Variants in NDUFAF2 observed in about 807,000 individuals in gnomAD.
NDUFAF2 encodes the protein NADH:ubiquinone oxidoreductase complex assembly factor 2.
A neutral mutation model predicts 22.8 loss-of-function variants in NDUFAF2; 13 were observed. That is an observed-to-expected ratio of 0.57 (90% CI 0.37 to 0.91). NDUFAF2 has a LOEUF of 0.91. Ranked by LOEUF, NDUFAF2 falls within the 40% of genes least tolerant of loss-of-function variation. The pLI is 0.01. For synonymous variants in NDUFAF2, 53 were observed against 64.2 expected (o/e 0.83, Z 0.84); for missense variants, 162 against 195.2 (o/e 0.83, Z 1.01).
chr5:61,020,106 T>C (rs916710237), intron 1 of NDUFAF2, among the ~76,000 whole-genome samples: 2 of 152,182 alleles, frequency 1.3e-5, no homozygotes, highest in Non-Finnish European at 2.9e-5. Context: ...TAACATTATT[T>C]ATTGCATTCT....
At chr5:61,050,964 A>G (rs1752017303) in intron 1 of NDUFAF2, among the ~76,000 whole-genome samples, 1 of 152,202 alleles carries the variant, frequency 6.6e-6, no homozygotes, top group South Asian at 2.1e-4. Context: ...TTTCATTAAA[A>G]CAATCAGACT....
At chr5:61,054,915 G>A (rs1278465802) in intron 1 of NDUFAF2, among the ~76,000 whole-genome samples, 2 of 152,146 alleles carry the variant, frequency 1.3e-5, no homozygotes, top group African/African-American at 4.8e-5. Context: ...AGTTTCCATC[G>A]CTGAGATAAA....
intron 1 of NDUFAF2, among the ~76,000 whole-genome samples, chr5:60,998,889 TA>T (rs1348643860): frequency 6.6e-6 from 1 of 152,060 alleles, no homozygotes; most frequent in African/African-American, 2.4e-5. Flanking sequence ...TTCAGAGATT[TA>T]TTTTTTTTAA....
At chr5:60,981,630 T>C (rs1750978767) in intron 1 of NDUFAF2, among the ~76,000 whole-genome samples, 1 of 152,124 alleles carries the variant, frequency 6.6e-6, no homozygotes, top group South Asian at 2.1e-4. Flanking sequence ...AAAACAATTT[T>C]TTAAGACATA....
chr5:60,975,459 A>C (rs1750890284), intron 1 of NDUFAF2, among the ~76,000 whole-genome samples: 1 of 152,152 alleles, frequency 6.6e-6, no homozygotes, highest in Admixed American at 6.6e-5. Flanking sequence ...TTGATATCTA[A>C]ACAGAGAGAT....
intron 3 of NDUFAF2, among the ~76,000 whole-genome samples, chr5:61,149,567 T>G (rs930140882): frequency 9.2e-5 from 14 of 152,238 alleles, no homozygotes; most frequent in African/African-American, 3.4e-4. Context: ...ATACTAGTGA[T>G]AAAATAACAT....
intron 1 of NDUFAF2, among the ~76,000 whole-genome samples, chr5:61,060,670 C>T (rs898047286): frequency 6.6e-6 from 1 of 152,118 alleles, no homozygotes; most frequent in African/African-American, 2.4e-5. Context: ...TCACCTCACT[C>T]AGCCCAGCCT....
At chr5:61,054,613 C>T (rs1347359782) in intron 1 of NDUFAF2, among the ~76,000 whole-genome samples, 1 of 152,182 alleles carries the variant, frequency 6.6e-6, no homozygotes, top group Non-Finnish European at 1.5e-5. Context: ...ACAAAACCCC[C>T]TTGCTACTTA....
At chr5:61,096,190 AG>A (rs1381086020) in intron 2 of NDUFAF2, among the ~76,000 whole-genome samples, 1 of 152,206 alleles carries the variant, frequency 6.6e-6, no homozygotes, top group Non-Finnish European at 1.5e-5. Context: ...CCTCTTTTAT[AG>A]CATTTAAAAG....
At chr5:61,029,672 G>A (rs1751699205) in intron 1 of NDUFAF2, among the ~76,000 whole-genome samples, 1 of 152,102 alleles carries the variant, frequency 6.6e-6, no homozygotes, top group Admixed American at 6.6e-5. Context: ...AATGCGACGT[G>A]CACCAGTGAA....
chr5:61,125,095 CT>C (rs1352177573), intron 3 of NDUFAF2, among the ~76,000 whole-genome samples: 4 of 152,180 alleles, frequency 2.6e-5, no homozygotes, highest in South Asian at 4.1e-4. Context: ...GATCCCTCCC[CT>C]GACACCTGAG....
intron 1 of NDUFAF2, among the ~76,000 whole-genome samples, chr5:61,071,847 A>G (rs1185228583): frequency 6.6e-6 from 1 of 152,224 alleles, no homozygotes; most frequent in Non-Finnish European, 1.5e-5. Flanking sequence ...AGGTTCAGTG[A>G]GAAAGAAACA....
chr5:60,998,312 A>T (rs997788017), intron 1 of NDUFAF2, among the ~76,000 whole-genome samples: 1 of 152,160 alleles, frequency 6.6e-6, no homozygotes, highest in African/African-American at 2.4e-5. Context: ...ATTATTATAG[A>T]TGATTTTAAA....
At chr5:61,049,507 A>G (rs778701592) in intron 1 of NDUFAF2, among the ~76,000 whole-genome samples, 3 of 152,138 alleles carry the variant, frequency 2.0e-5, no homozygotes, top group Non-Finnish European at 2.9e-5. Flanking sequence ...GTTCAGTGGT[A>G]TTAAATATAT....
chr5:61,053,158 A>G (rs533295526), intron 1 of NDUFAF2, among the ~76,000 whole-genome samples: 2 of 152,230 alleles, frequency 1.3e-5, no homozygotes, highest in Non-Finnish European at 2.9e-5. Context: ...CTGAGTAGCC[A>G]TCAGCCTGGA....
Position 60,979,603 on chromosome 5 carries a change from G to A in NDUFAF2, c.127+34221G>A, listed in dbSNP as rs528696998. Among the ~76,000 whole-genome samples the A allele has an allele frequency of 2.0e-5, 3 of 152,208 alleles. No individual in the cohort carries two copies. The South Asian group carries it at 6.2e-4, about 32-fold the overall frequency. ...TTGAGGAAAAGGGAGAGAAGACTGG[G>A]AAGAACTTTGTCTTGTGGCTCAGGT... On this transcript the variant is annotated intron_variant, in intron 1 of 3. Coordinates refer to ENST00000296597, the MANE Select transcript of NDUFAF2 (RefSeq NM_174889.5).
At chr5:60,946,111 A>G (rs1212108239) in intron 1 of NDUFAF2, among the ~76,000 whole-genome samples, 1 of 152,106 alleles carries the variant, frequency 6.6e-6, no homozygotes, top group African/African-American at 2.4e-5. Flanking sequence ...TTGGGGAGTA[A>G]GGAGGCGTTG....
intron 3 of NDUFAF2, among the ~76,000 whole-genome samples, chr5:61,107,411 T>G (rs1752781425): frequency 1.3e-5 from 2 of 151,404 alleles, no homozygotes; most frequent in Non-Finnish European, 2.9e-5. Flanking sequence ...ATCCAGATCT[T>G]TTGCTCATGT....
intron 3 of NDUFAF2, among the ~76,000 whole-genome samples, chr5:61,142,347 T>C (rs1038750467): frequency 1.3e-5 from 2 of 152,188 alleles, no homozygotes; most frequent in Non-Finnish European, 2.9e-5. Flanking sequence ...TGAGATTTAA[T>C]AATTAATCTG....
Sources: allele counts gnomAD v4.1 joint callset (sites outside exome capture counted in the v4.1 genomes callset), GRCh38; gene constraint gnomAD v4.1.1; transcripts MANE v1.5; gene names NCBI Gene and HGNC (gene_info 2026-07-23, HGNC 2026-07-21).